CACNA1B: variants seen among roughly 807,000 people sequenced by gnomAD.
CACNA1B encodes the protein voltage-dependent N-type calcium channel subunit alpha-1B.
Under a neutral mutation model 247.2 loss-of-function variants are expected in CACNA1B, and 70 were observed. That is an observed-to-expected ratio of 0.28 (90% CI 0.23 to 0.35). The LOEUF (loss-of-function observed/expected upper bound fraction) is 0.35. Ranked by LOEUF, CACNA1B falls within the 10% of genes least tolerant of loss-of-function variation. The pLI is 1.00. For missense variants in CACNA1B, 2,367 were observed against 3,197.4 expected (o/e 0.74, Z 6.26); for synonymous variants, 1,231 against 1,294.4 (o/e 0.95, Z 1.05).
chr9:137,891,588 C>T lies in CACNA1B; in HGVS notation c.530+8705C>T, dbSNP rs2133242507. 1 of 195,596 alleles carries T rather than the reference C, an allele frequency of 5.1e-6. No individual in the cohort carries two copies. Among genetic ancestry groups the T allele is most frequent in the African/African-American group, 2.4e-5 (1 of 42,270 alleles). 12.1% of individuals were successfully genotyped at this position (195,596 alleles called of 1,614,324 possible). On this transcript the variant is annotated intron_variant, in intron 3 of 46. Transcript: ENST00000371372. This position sits in a 1 kb window ranked among gnomAD's most constrained non-coding sequence, Gnocchi z 4.3. ...CCCCGGGAGGGTGGGAGCCTTGCTCCTGTGGGCACGTGGTGGTGGACACCC... is the reference window on the plus strand; with the variant it reads ...CCCCGGGAGGGTGGGAGCCTTGCTCTTGTGGGCACGTGGTGGTGGACACCC...
In CACNA1B at chr9:138,057,632, G is replaced by GAA. The variant is rs1959560063; in HGVS notation, c.3969-100_3969-99insAA. On this transcript the variant is annotated intron_variant, in intron 26 of 46. Transcript: ENST00000371372. The surrounding 1 kb of genome is among the most constrained non-coding windows in gnomAD (Gnocchi z 4.0). Reference sequence around the variant, plus strand: ...TTTTCCCAGCACAGTCTGTTGGAGAGGCCATTCTTTCCCCACGGAATGGTT... The same window carrying GAA: ...TTTTCCCAGCACAGTCTGTTGGAGAGAAGCCATTCTTTCCCCACGGAATGGTT... 6.9e-6 allele frequency: 8 copies of GAA among 1,153,454 alleles called. No homozygotes were observed. The highest frequency in any genetic ancestry group is 9.9e-6 in the Non-Finnish European group (8 of 808,020). 71.5% of individuals were successfully genotyped at this position (1,153,454 alleles called of 1,614,324 possible). A position where few individuals can be genotyped will look rare whatever the true frequency, so the allele number is the denominator to read the frequency against.
chr9:138,112,655 A>T lies in CACNA1B; in HGVS notation c.5536+150A>T, dbSNP rs1961682426. On this transcript the variant is annotated intron_variant, in intron 40 of 46. Transcript: ENST00000371372. ...TCCTCATGAATCTGCCCTCAGCTCCAACCAAGAGAGCCCTGGGTGGCAGAG... is the reference window on the plus strand; with the variant it reads ...TCCTCATGAATCTGCCCTCAGCTCCTACCAAGAGAGCCCTGGGTGGCAGAG... The T allele has an allele frequency of 9.5e-6, 6 of 629,504 alleles. No individual in the cohort carries two copies. In the East Asian group the frequency reaches 1.7e-4, roughly 17 times the overall value. The allele number at this position is 629,504 out of a possible 1,614,324, so 39.0% of individuals were successfully genotyped here.
In CACNA1B at chr9:138,103,667, C is replaced by G. The variant is rs1302807933; in HGVS notation, c.5319+860C>G. 2.0e-5 allele frequency among the ~76,000 whole-genome samples: 3 copies of G among 152,248 alleles called. No homozygotes were observed. The East Asian group carries it at 5.8e-4, about 29-fold the overall frequency. On this transcript the variant is annotated intron_variant, in intron 38 of 46. Transcript: ENST00000371372. Reference sequence around the variant, plus strand: ...TTCCCCCAGCACCCACCCACCTACTCAAGAGCCCTCCTGAGGCCCCCACTG... The same window carrying G: ...TTCCCCCAGCACCCACCCACCTACTGAAGAGCCCTCCTGAGGCCCCCACTG...
intron 6 of CACNA1B, among the ~76,000 whole-genome samples, chr9:137,946,100 G>T (rs1310502746): frequency 3.9e-5 from 6 of 152,158 alleles, no homozygotes; most frequent in Non-Finnish European, 7.3e-5. Context: ...CATTACAGGT[G>T]TGAGCCACTG....
chr9:138,076,471 C>G (rs921224233), intron 35 of CACNA1B, among the ~76,000 whole-genome samples: 5 of 152,198 alleles, frequency 3.3e-5, no homozygotes, highest in African/African-American at 9.6e-5. Flanking sequence ...AGCTGCCGTT[C>G]CCTGGGCTCC....
At position 138,121,114 on chromosome 9, in the gene CACNA1B, C is replaced by T. The variant is rs944657019; in HGVS notation, c.6489+233C>T. Among the ~76,000 whole-genome samples the T allele has an allele frequency of 3.3e-5, 5 of 152,166 alleles. No homozygotes were observed. The highest frequency in any genetic ancestry group is 5.9e-5 in the Non-Finnish European group (4 of 68,022). On this transcript the variant is annotated intron_variant, in intron 46 of 46. Transcript: ENST00000371372. This position sits in a 1 kb window ranked among gnomAD's most constrained non-coding sequence, Gnocchi z 6.8. Reference sequence around the variant, plus strand: ...GGGTCACCCTGGGACAGTGGTTCTGCGTCCTATCCACTTTCGGACCTGGGC... The same window carrying T: ...GGGTCACCCTGGGACAGTGGTTCTGTGTCCTATCCACTTTCGGACCTGGGC...
At chr9:137,936,878 T>A (rs1481719076) in intron 6 of CACNA1B, among the ~76,000 whole-genome samples, 1 of 152,272 alleles carries the variant, frequency 6.6e-6, no homozygotes, top group African/African-American at 2.4e-5. Context: ...TTTTGGTTAC[T>A]GTAGCCTTGT....
intron 3 of CACNA1B, among the ~76,000 whole-genome samples, chr9:137,906,613 A>T (rs994942595): frequency 6.8e-6 from 1 of 147,072 alleles, no homozygotes; most frequent in Admixed American, 6.7e-5. Context: ...ATGTCTTAAC[A>T]TACATGTTCC....
chr9:137,965,260 A>T (rs1958061200), intron 10 of CACNA1B, among the ~76,000 whole-genome samples: 1 of 152,272 alleles, frequency 6.6e-6, no homozygotes, highest in Non-Finnish European at 1.5e-5. Context: ...TTCCCTGATC[A>T]GTTTGAGCTT....
rs141539417 is a variant in CACNA1B at position 137,949,662 on chromosome 9, T to C, written c.967-2612T>C. ...CTGTCCACACATGGAGAGCTGATGA[T>C]GCAGTTCCCGATGGCGGTGGCCGGC... is the stretch of plus-strand genomic sequence containing the variant. On this transcript the variant is annotated intron_variant, in intron 6 of 46. Coordinates refer to ENST00000371372, the MANE Select transcript of CACNA1B (RefSeq NM_000718.4). 4.4e-3 allele frequency among the ~76,000 whole-genome samples: 676 copies of C among 152,210 alleles called. 5 individuals are homozygous for C. Among genetic ancestry groups the C allele is most frequent in the African/African-American group, 0.015 (633 of 41,512 alleles).
At chr9:138,104,676 C>T (rs890988327) in intron 38 of CACNA1B, among the ~76,000 whole-genome samples, 26 of 152,148 alleles carry the variant, frequency 1.7e-4, no homozygotes, top group Admixed American at 6.5e-5. Flanking sequence ...ATGGCCCTCC[C>T]TAGAGAAGAG....
In CACNA1B at chr9:138,020,083, C is replaced by T. The variant is rs918812241; in HGVS notation, c.2268-2928C>T. Among the ~76,000 whole-genome samples the T allele has an allele frequency of 1.2e-4, 16 of 131,626 alleles. No homozygotes were observed. Among genetic ancestry groups the T allele is most frequent in the Non-Finnish European group, 2.4e-4 (16 of 65,472 alleles). 86.4% of individuals were successfully genotyped at this position (131,626 alleles called of 152,430 possible). On this transcript the variant is annotated intron_variant, in intron 18 of 46. Transcript: ENST00000371372. The surrounding 1 kb of genome is among the most constrained non-coding windows in gnomAD (Gnocchi z 4.1). ...CTGCACTCCAGCCTGGGCGACACAG[C>T]GAGACTCTGTCTCCCAAAAAAAAAA... is the stretch of plus-strand genomic sequence containing the variant.
chr9:137,989,299 C>G (rs148928278), intron 15 of CACNA1B, among the ~76,000 whole-genome samples: 1 of 152,006 alleles, frequency 6.6e-6, no homozygotes, highest in East Asian at 1.9e-4. Context: ...AACCGTACGC[C>G]GGGTGTGATC....
chr9:137,908,713 C>G (rs1294350939), intron 3 of CACNA1B, among the ~76,000 whole-genome samples: 2 of 151,874 alleles, frequency 1.3e-5, no homozygotes, highest in Non-Finnish European at 2.9e-5. Context: ...TCACTGCAAG[C>G]TCCGCCTCCT....
chr9:138,006,476 C>T (rs980784108), intron 15 of CACNA1B, among the ~76,000 whole-genome samples: 3 of 152,182 alleles, frequency 2.0e-5, no homozygotes, highest in African/African-American at 7.2e-5. Flanking sequence ...CTCGCCTCTG[C>T]CCACCTCCTT....
At position 137,973,203 on chromosome 9, in the gene CACNA1B, A is replaced by T. The variant is rs1278868375; in HGVS notation, c.1543+1611A>T. On this transcript the variant is annotated intron_variant, in intron 11 of 46. Coordinates refer to ENST00000371372, the MANE Select transcript of CACNA1B (RefSeq NM_000718.4). This position sits in a 1 kb window ranked among gnomAD's most constrained non-coding sequence, Gnocchi z 4.1. ...AGGCCACAGGCATCCCTGACCGTAGACCGCTACTGTGTCTTCTCTGTGGTT... is the reference window on the plus strand; with the variant it reads ...AGGCCACAGGCATCCCTGACCGTAGTCCGCTACTGTGTCTTCTCTGTGGTT... Among the ~76,000 whole-genome samples the T allele has an allele frequency of 1.3e-5, 2 of 151,786 alleles. No individual in the cohort carries two copies. Among genetic ancestry groups the T allele is most frequent in the Non-Finnish European group, 2.9e-5 (2 of 67,912 alleles).
intron 6 of CACNA1B, among the ~76,000 whole-genome samples, chr9:137,943,511 C>T (rs1957758047): frequency 6.6e-6 from 1 of 152,124 alleles, no homozygotes; most frequent in Non-Finnish European, 1.5e-5. Flanking sequence ...CATTGGCCTT[C>T]TGTGTTTTGG....
At chr9:138,076,460 G>A (rs955656622) in intron 35 of CACNA1B, among the ~76,000 whole-genome samples, 1 of 152,176 alleles carries the variant, frequency 6.6e-6, no homozygotes, top group Non-Finnish European at 1.5e-5. Context: ...TCTCTCATGG[G>A]AGCTGCCGTT....
At position 137,891,997 on chromosome 9, in the gene CACNA1B, C is replaced by T. The variant is rs1211737801; in HGVS notation, c.530+9114C>T. 4 of 455,816 alleles carry T rather than the reference C, an allele frequency of 8.8e-6. No individual in the cohort carries two copies. The highest frequency in any genetic ancestry group is 1.8e-5 in the Non-Finnish European group (4 of 226,432). 28.2% of individuals were successfully genotyped at this position (455,816 alleles called of 1,614,324 possible). On this transcript the variant is annotated intron_variant, in intron 3 of 46. Coordinates refer to ENST00000371372, the MANE Select transcript of CACNA1B (RefSeq NM_000718.4). The surrounding 1 kb of genome is among the most constrained non-coding windows in gnomAD (Gnocchi z 4.3). The stretch of plus-strand genomic sequence containing the variant: ...AGCACAGGAGCCTGGTGAAAAGGGC[C>T]TTGCGCCTTGGTCCTCCTCACTCAG...
Sources: allele counts gnomAD v4.1 joint callset (sites outside exome capture counted in the v4.1 genomes callset), GRCh38; gene constraint gnomAD v4.1.1; non-coding constraint Gnocchi (gnomAD v3.1); transcripts MANE v1.5; gene names NCBI Gene and HGNC (gene_info 2026-07-23, HGNC 2026-07-21).